SNX25: variants seen among roughly 807,000 people sequenced by gnomAD.
SNX25 encodes the protein sorting nexin-25.
Under a neutral mutation model 113.7 loss-of-function variants are expected in SNX25, and 62 were observed. The ratio of observed to expected loss-of-function variants is 0.55; its 90% CI spans 0.44 to 0.67. SNX25 has a LOEUF of 0.67. Among genes scored for constraint, SNX25 ranks in the 30% least tolerant of loss-of-function variants. The pLI, the probability that SNX25 is intolerant of heterozygous loss-of-function variation, is 0.00. For missense variants in SNX25, 1,014 were observed against 1,161.0 expected, an observed-to-expected ratio of 0.87 and a Z score of 1.84; for synonymous variants, 421 against 436.2, an observed-to-expected ratio of 0.97 and a Z score of 0.43.
chr4:185,372,818 T>C (rs376714831), downstream of SNX25: 245 of 1,504,080 alleles, frequency 1.6e-4, no homozygotes, highest in Non-Finnish European at 2.1e-4. Flanking sequence ...GTGTGTGATA[T>C]TCTGTTACAG....
At chr4:185,329,068 G>A (rs572595883) in intron 9 of SNX25, among the ~76,000 whole-genome samples, 5 of 152,182 alleles carry the variant, frequency 3.3e-5, no homozygotes, top group Admixed American at 1.3e-4. Context: ...ATTTCATGAG[G>A]GGTGCAAGCT....
chr4:185,335,745 T>A (rs2095225928), intron 10 of SNX25, among the ~76,000 whole-genome samples: 1 of 152,200 alleles, frequency 6.6e-6, no homozygotes, highest in African/African-American at 2.4e-5. Context: ...CCATTAACCA[T>A]GAAGAATCTA....
Position 185,219,356 on chromosome 4 carries a change from A to G in SNX25, c.429+9101A>G, listed in dbSNP as rs550295661. On this transcript the variant is annotated intron_variant, in intron 1 of 18. Transcript: ENST00000652585. ...AGGCGGATCACAAGGTCAGGAGATCAAGACCATCCTGACTAACATGGTGAA... is the reference window on the plus strand; with the variant it reads ...AGGCGGATCACAAGGTCAGGAGATCGAGACCATCCTGACTAACATGGTGAA... Among the ~76,000 whole-genome samples, 465 of 152,210 alleles carry G rather than the reference A, an allele frequency of 3.1e-3. 6 individuals carry two copies. Among genetic ancestry groups the G allele is most frequent in the African/African-American group, 0.011 (445 of 41,518 alleles).
intron 1 of SNX25, among the ~76,000 whole-genome samples, chr4:185,224,571 GTATATAAA>G (rs1560905351): frequency 7.1e-5 from 4 of 55,962 alleles, no homozygotes; most frequent in Non-Finnish European, 2.4e-4. Context: ...ATATATAAGT[GTATATAAA>G]TATATATAAA....
chr4:185,240,319 C>A (rs1297922296), intron 1 of SNX25, among the ~76,000 whole-genome samples: 2 of 152,078 alleles, frequency 1.3e-5, no homozygotes, highest in Non-Finnish European at 2.9e-5. Context: ...GGCAGAGGGG[C>A]TCCTCACTTC....
At chr4:185,362,464 A>G (rs2095369364) in intron 17 of SNX25, 147 bp from the exon 18 acceptor site, 1 of 1,191,734 alleles carries the variant, frequency 8.4e-7, no homozygotes, top group East Asian at 2.6e-5. Flanking sequence ...TCTTTCCTGA[A>G]GCATTTGAGA....
intron 1 of SNX25, among the ~76,000 whole-genome samples, chr4:185,238,679 T>G (rs1357183372): frequency 6.6e-6 from 1 of 152,166 alleles, no homozygotes; most frequent in African/African-American, 2.4e-5. Flanking sequence ...TTGTGTTTGC[T>G]TTTGTAAGAT....
intron 7 of SNX25, among the ~76,000 whole-genome samples, chr4:185,312,379 A>G (rs1337754988): frequency 2.0e-5 from 3 of 152,204 alleles, no homozygotes. Context: ...ATATGCTTTT[A>G]GATGTTGTGG....
chr4:185,371,854 T>A (rs190637122), downstream of SNX25, among the ~76,000 whole-genome samples: 98 of 152,256 alleles, frequency 6.4e-4, no homozygotes, highest in Non-Finnish European at 8.8e-5. Context: ...TCCTCTCTTG[T>A]AGATGACTGC....
intron 10 of SNX25, among the ~76,000 whole-genome samples, chr4:185,337,009 G>T (rs548781898): frequency 1.7e-4 from 26 of 152,104 alleles, no homozygotes; most frequent in African/African-American, 6.0e-4. Context: ...TGATGGGATT[G>T]TTTATTTTTT....
chr4:185,366,884 G>A (rs192561499), downstream of SNX25: 36 of 210,266 alleles, frequency 1.7e-4, no homozygotes, highest in Admixed American at 1.9e-3. Flanking sequence ...CGGTGTTTAA[G>A]AAAGGATAAA....
intron 1 of SNX25, among the ~76,000 whole-genome samples, chr4:185,239,412 C>A (rs193104044): frequency 2.2e-4 from 34 of 152,160 alleles, no homozygotes; most frequent in South Asian, 1.0e-3. Flanking sequence ...GAACCCAGGA[C>A]GCGGAGCTTG....
At chr4:185,345,852 GTTTTC>G (rs1326576833) in intron 12 of SNX25, among the ~76,000 whole-genome samples, 1 of 151,770 alleles carries the variant, frequency 6.6e-6, no homozygotes, top group South Asian at 2.1e-4. Context: ...TGTTCCCATT[GTTTTC>G]TTTTCTTTTT....
At chr4:185,300,507 C>G (rs1753505682) in intron 6 of SNX25, among the ~76,000 whole-genome samples, 1 of 151,498 alleles carries the variant, frequency 6.6e-6, no homozygotes, top group South Asian at 2.1e-4. Context: ...GCTTCTTTGT[C>G]CATTCTAGAA....
chr4:185,375,490 ATATAT>A, the SNX25 span: 5 of 49,098 alleles, frequency 1.0e-4, no homozygotes, highest in Admixed American at 2.7e-4. Context: ...AAAAAAAAAT[ATATAT>A]ATATATATAT....
At chr4:185,249,637 G>A (rs554455281) in intron 2 of SNX25, among the ~76,000 whole-genome samples, 42 of 151,504 alleles carry the variant, frequency 2.8e-4, no homozygotes, top group Non-Finnish European at 5.4e-4. Context: ...TTTCCTCTCT[G>A]TTCTTTAGAT....
chr4:185,255,434 C>T (rs1279133564), intron 2 of SNX25, among the ~76,000 whole-genome samples: 3 of 152,042 alleles, frequency 2.0e-5, no homozygotes, highest in African/African-American at 7.2e-5. Context: ...ACACCCAGCC[C>T]GTACTTTTTA....
intron 3 of SNX25, 74 bp downstream of exon 3, chr4:185,259,138 T>A: frequency 7.5e-7 from 1 of 1,324,774 alleles, no homozygotes; most frequent in Non-Finnish European, 1.1e-6. Context: ...AAAGTCAAGA[T>A]AAAACTCTAG....
chr4:185,352,408 G>A (rs2095320183), intron 14 of SNX25, among the ~76,000 whole-genome samples: 1 of 152,138 alleles, frequency 6.6e-6, no homozygotes, highest in Non-Finnish European at 1.5e-5. Flanking sequence ...TCTCAGCTGG[G>A]GCGGAAGTCA....
Sources: gnomAD v4.1 joint callset for allele counts (sites outside exome capture counted in the v4.1 genomes callset) on GRCh38, gnomAD v4.1.1 for gene constraint, MANE v1.5 for transcripts, NCBI Gene and HGNC (gene_info 2026-07-23, HGNC 2026-07-21) for gene names.